The following PUDP variants were observed in gnomAD, a reference collection of about 807,000 sequenced individuals.
PUDP encodes the protein pseudouridine-5'-phosphatase.
PUDP carries 8 observed loss-of-function variants against 9.4 expected under a neutral mutation model. The ratio of observed to expected loss-of-function variants is 0.85; its 90% confidence interval spans 0.50 to 1.53. The LOEUF is 1.53. PUDP is among the 40% of genes most tolerant of loss of function. The probability of loss-of-function intolerance (pLI) is 0.00; values close to 1 mark genes in which losing one functional copy is unlikely to be tolerated. For missense variants in PUDP, 188 were observed against 189.7 expected (o/e 0.99, Z 0.05); for synonymous variants, 99 against 80.7 (o/e 1.23, Z -1.22).
At position 7,109,683 on chromosome X, in the gene PUDP, A is replaced by G. The variant is rs759200262; in HGVS notation, c.62-3845T>C. ...CCGTGGAATAAGAAAGGATCTAAAC[A>G]AGTAATTAAACTCCTCAGATCAAAT... is the stretch of plus-strand genomic sequence containing the variant. On this transcript the variant is annotated intron_variant, in intron 1 of 3. Coordinates refer to ENST00000381077, the MANE Select transcript of PUDP (RefSeq NM_012080.5). Among the ~76,000 whole-genome samples the G allele has an allele frequency of 1.0e-3, 113 of 112,473 alleles. 2 individuals are homozygous for G. Among genetic ancestry groups the G allele is most frequent in the Middle Eastern group, 4.7e-3 (1 of 215 alleles).
chrX:6,732,277 A>AT (rs1161567998), intron 3 of PUDP, among the ~76,000 whole-genome samples: 1 of 109,400 alleles, frequency 9.1e-6, no homozygotes, highest in Admixed American at 9.8e-5. Context: ...TCTGCTTTGC[A>AT]TTTTCGTGTC....
chrX:7,047,055 A>T (rs1929991870), downstream of PUDP, among the ~76,000 whole-genome samples: 1 of 112,165 alleles, frequency 8.9e-6, no homozygotes, highest in Non-Finnish European at 1.9e-5. Flanking sequence ...TACTGTTGGG[A>T]ACCAAGGAAA....
At position 6,812,083 on chromosome X, in the gene PUDP, C is replaced by T. The variant is rs140773497; in HGVS notation, c.*248-105617G>A. ...GAACAAAGTCAGGAGCAAAACAGCA[C>T]GGTAGCCCTGCAATCTCACCATAGC... is the stretch of plus-strand genomic sequence containing the variant. On this transcript the variant is annotated intron_variant and NMD_transcript_variant, in intron 3 of 3. Coordinates refer to the PUDP transcript ENST00000655425. 1.7e-4 allele frequency among the ~76,000 whole-genome samples: 19 copies of T among 112,356 alleles called. No homozygotes were observed. The East Asian group carries it at 4.8e-3, about 28-fold the overall frequency.
At chrX:7,027,793 A>G (rs1383418346) in intron 1 of PUDP, among the ~76,000 whole-genome samples, 1 of 64,072 alleles carries the variant, frequency 1.6e-5, no homozygotes, top group Non-Finnish European at 2.7e-5. Context: ...CTATATATAT[A>G]GAATATATTA....
chrX:6,983,888 A>C (rs1929070537), intron 1 of PUDP, among the ~76,000 whole-genome samples: 1 of 112,597 alleles, frequency 8.9e-6, no homozygotes, highest in Admixed American at 9.4e-5. Flanking sequence ...GGAATTGTCT[A>C]GAGGGTATTT....
chrX:6,867,334 GGCAGATTCAGCACTAA>G (rs781444787), intron 3 of PUDP, among the ~76,000 whole-genome samples: 1 of 112,026 alleles, frequency 8.9e-6, no homozygotes, highest in Non-Finnish European at 1.9e-5. Context: ...CTCCAGGCAT[GGCAGATTCAGCACTAA>G]GCAAGGAATA....
chrX:6,929,950 A>T (rs1156855489), intron 3 of PUDP, among the ~76,000 whole-genome samples: 1 of 111,132 alleles, frequency 9.0e-6, no homozygotes, highest in East Asian at 2.8e-4. Context: ...GTTACTGAGA[A>T]TTCACTGCAT....
At chrX:6,924,784 AAAC>A (rs2146765573) in intron 3 of PUDP, among the ~76,000 whole-genome samples, 1 of 112,743 alleles carries the variant, frequency 8.9e-6, no homozygotes, top group South Asian at 3.7e-4. Context: ...TTTCTTAAAA[AAAC>A]AATGCGTTAT....
chrX:6,880,234 G>C (rs1303358493), intron 3 of PUDP, among the ~76,000 whole-genome samples: 1 of 110,407 alleles, frequency 9.1e-6, no homozygotes, highest in Non-Finnish European at 1.9e-5. Context: ...CCAATGTGTA[G>C]TCTTTTGTCC....
At chrX:6,902,017 GCA>G (rs946369452) in intron 3 of PUDP, among the ~76,000 whole-genome samples, 6 of 110,264 alleles carry the variant, frequency 5.4e-5, no homozygotes, top group Non-Finnish European at 1.1e-4. Flanking sequence ...GGGACGATAG[GCA>G]CACACCATCA....
chrX:6,837,249 T>C (rs771340520), intron 3 of PUDP, among the ~76,000 whole-genome samples: 2 of 112,221 alleles, frequency 1.8e-5, no homozygotes, highest in South Asian at 7.4e-4. Flanking sequence ...AAATAATACA[T>C]CTCATGGATT....
At chrX:6,798,045 A>G (rs887479571) in intron 3 of PUDP, among the ~76,000 whole-genome samples, 3 of 112,329 alleles carry the variant, frequency 2.7e-5, no homozygotes, top group African/African-American at 9.7e-5. Context: ...TTCTTCCAAA[A>G]TATTATAGCC....
chrX:6,969,863 A>T (rs1439525292), intron 3 of PUDP, among the ~76,000 whole-genome samples: 1 of 112,091 alleles, frequency 8.9e-6, no homozygotes, highest in Non-Finnish European at 1.9e-5. Context: ...GCTTGCATAG[A>T]GCAAGACCCA....
upstream of PUDP, among the ~76,000 whole-genome samples, chrX:6,724,011 T>C (rs1310052404): frequency 8.9e-6 from 1 of 111,756 alleles, no homozygotes; most frequent in Non-Finnish European, 1.9e-5. Flanking sequence ...CAGATTTAAT[T>C]CAAAATTGGA....
chrX:7,033,021 C>T (rs957561668), intron 1 of PUDP, among the ~76,000 whole-genome samples: 4 of 111,421 alleles, frequency 3.6e-5, no homozygotes, highest in Non-Finnish European at 7.5e-5. Flanking sequence ...TTTGGGTGTG[C>T]ACCATCTAAT....
chrX:6,760,812 C>T (rs772309508), intron 3 of PUDP, among the ~76,000 whole-genome samples: 36 of 111,894 alleles, frequency 3.2e-4, no homozygotes, highest in African/African-American at 1.1e-3. Context: ...GCATCACTAC[C>T]GTCCACACTT....
At chrX:6,838,499 C>T (rs1174843651) in intron 3 of PUDP, among the ~76,000 whole-genome samples, 2 of 112,433 alleles carry the variant, frequency 1.8e-5, no homozygotes, top group South Asian at 3.7e-4. Context: ...GGGTATGATA[C>T]ATATTTTTGA....
At chrX:6,768,242 G>C (rs1925310193) in intron 3 of PUDP, among the ~76,000 whole-genome samples, 1 of 111,635 alleles carries the variant, frequency 9.0e-6, no homozygotes, top group Admixed American at 9.6e-5. Context: ...GCAGTTGATG[G>C]GTTGAGGCCA....
intron 1 of PUDP, among the ~76,000 whole-genome samples, chrX:7,134,340 C>T (rs1310069090): frequency 8.9e-6 from 1 of 112,004 alleles, no homozygotes; most frequent in Non-Finnish European, 1.9e-5. Flanking sequence ...AAACTATGAA[C>T]AAATGGTACC....
Sources: allele counts gnomAD v4.1 joint callset (sites outside exome capture counted in the v4.1 genomes callset), GRCh38; gene constraint gnomAD v4.1.1; transcripts MANE v1.5; gene names NCBI Gene and HGNC (gene_info 2026-07-23, HGNC 2026-07-21).